RGS12: variants seen among roughly 807,000 people sequenced by gnomAD.
The protein encoded by RGS12 is regulator of G-protein signaling 12.
RGS12 carries 66 observed loss-of-function variants against 120.1 expected under a neutral mutation model. The ratio of observed to expected loss-of-function variants is 0.55; its 90% confidence interval spans 0.45 to 0.67. The LOEUF is 0.67. Among genes scored for constraint, RGS12 ranks in the 30% least tolerant of loss-of-function variants. RGS12 has a pLI of 0.00. For missense variants in RGS12, 1,859 were observed against 1,957.7 expected (o/e 0.95, Z 0.95); for synonymous variants, 827 against 804.7 (o/e 1.03, Z -0.47).
At chr4:3,312,866 C>G (rs1055645763) in intron 1 of RGS12, 2 of 179,814 alleles carry the variant, frequency 1.1e-5, no homozygotes, top group Non-Finnish European at 2.6e-5. Context: ...ACAATGCAAA[C>G]TGGTTTTATA....
In RGS12 at chr4:3,430,661, A is replaced by G; in HGVS notation, c.3820A>G (p.Ser1274Gly). The change falls in exon 17 of 18, where the codon AGC (serine) becomes GGC (glycine). Residue 1274 changes from serine (S) to glycine (G), a missense_variant. By Grantham distance (56) the Ser-to-Gly change is moderately conservative. This residue lies in a region of RGS12 where 517 missense variants were observed against 488.5 expected (regional missense o/e 1.06). Coordinates refer to ENST00000336727, the MANE Select transcript of RGS12 (RefSeq NM_001394154.1). ...VQESSDSPST[S>G]PGSASSPPGP... The stretch of plus-strand genomic sequence containing the variant: ...GGAGAGCAGCGACAGCCCGTCCACC[A>G]GCCCGGGCTCAGCCTCCAGCCCCCC... 11 of 1,592,936 alleles carry G rather than the reference A, an allele frequency of 6.9e-6. No homozygotes were observed. The highest frequency in any genetic ancestry group is 9.4e-6 in the Non-Finnish European group (11 of 1,168,998).
intron 3 of RGS12, among the ~76,000 whole-genome samples, chr4:3,355,793 T>TAA (rs1330620152): frequency 8.3e-5 from 3 of 36,292 alleles, no homozygotes; most frequent in African/African-American, 2.2e-4. Context: ...AGACCTTGTC[T>TAA]CAAAAAAAAA....
intron 9 of RGS12, chr4:3,418,875 A>T (rs1166873750): frequency 6.6e-6 from 1 of 152,098 alleles, no homozygotes. Context: ...GCAGATCTGC[A>T]AAGGGCTTTG....
At chr4:3,406,055 T>C (rs1432082504) in intron 4 of RGS12, among the ~76,000 whole-genome samples, 3 of 152,158 alleles carry the variant, frequency 2.0e-5, no homozygotes, top group African/African-American at 4.8e-5. Flanking sequence ...TGCCTACATC[T>C]GGGCTTCGGC....
chr4:3,387,555 C>T (rs1441295600), intron 4 of RGS12, among the ~76,000 whole-genome samples: 2 of 152,212 alleles, frequency 1.3e-5, no homozygotes, highest in African/African-American at 4.8e-5. Context: ...GGGATCCCGA[C>T]ACTCGTGTGG....
chr4:3,298,168 C>T (rs189991013), intron 1 of RGS12, among the ~76,000 whole-genome samples: 3 of 152,234 alleles, frequency 2.0e-5, no homozygotes, highest in Admixed American at 2.0e-4. Flanking sequence ...CATCTGCTTC[C>T]GTTTATTGTG....
intron 1 of RGS12, among the ~76,000 whole-genome samples, chr4:3,309,358 TCCG>T (rs1724171210): frequency 7.2e-6 from 1 of 138,214 alleles, no homozygotes; most frequent in Non-Finnish European, 1.5e-5. Context: ...ATGGCAGGTG[TCCG>T]CTGAGGGGAA....
chr4:3,354,577 C>T (rs1442974740), intron 3 of RGS12, among the ~76,000 whole-genome samples: 1 of 152,228 alleles, frequency 6.6e-6, no homozygotes, highest in African/African-American at 2.4e-5. Context: ...TTTCCTGCCA[C>T]AGTGCAGGTA....
intron 3 of RGS12, among the ~76,000 whole-genome samples, chr4:3,369,185 C>T (rs1166688457): frequency 2.0e-5 from 3 of 152,196 alleles, no homozygotes; most frequent in Non-Finnish European, 2.9e-5. Flanking sequence ...CTGCCCCCCG[C>T]CCCTGCAGAC....
chr4:3,340,516 G>A (rs1308677382), intron 2 of RGS12, among the ~76,000 whole-genome samples: 6 of 152,206 alleles, frequency 3.9e-5, no homozygotes, highest in African/African-American at 7.2e-5. Context: ...GACCCAGAGC[G>A]TGGACACGGA....
chr4:3,327,233 G>T lies in RGS12; in HGVS notation c.1881+9182G>T, dbSNP rs113005048. On this transcript the variant is annotated intron_variant, in intron 2 of 17. Transcript: ENST00000336727. ...TCAATAAATGGTACTGGGAAAATTG[G>T]ATTGCCCTGTGTAGAAGAATGAAAC... Among the ~76,000 whole-genome samples, 23 of 152,270 alleles carry T rather than the reference G, an allele frequency of 1.5e-4. 1 individual carries two copies. The highest frequency in any genetic ancestry group is 5.3e-4 in the African/African-American group (22 of 41,546).
At chr4:3,368,590 GCCTGTGTGTGTGTGGGTA>G (rs1310376351) in intron 3 of RGS12, among the ~76,000 whole-genome samples, 1 of 133,130 alleles carries the variant, frequency 7.5e-6, no homozygotes, top group Admixed American at 7.6e-5. Flanking sequence ...CTGTGTGTGT[GCCTGTGTGTGTGTGGGTA>G]CCTGTGTGTG....
intron 1 of RGS12, among the ~76,000 whole-genome samples, chr4:3,301,897 C>G (rs987851950): frequency 1.3e-5 from 2 of 152,110 alleles, no homozygotes; most frequent in Non-Finnish European, 2.9e-5. Flanking sequence ...CAGGGCTAGA[C>G]TTGCCAGGTA....
At chr4:3,422,776 G>T in intron 11 of RGS12, 129 bp from the exon 12 acceptor site, 1 of 1,005,390 alleles carries the variant, frequency 9.9e-7, no homozygotes, top group South Asian at 1.4e-5. Flanking sequence ...AAGGGTGATC[G>T]CTTTCTTTGG....
intron 3 of RGS12, among the ~76,000 whole-genome samples, chr4:3,363,496 T>C (rs1009794256): frequency 8.6e-5 from 13 of 151,372 alleles, no homozygotes; most frequent in African/African-American, 3.2e-4. Flanking sequence ...CCTGAACTGC[T>C]GCTTGTTGGC....
chr4:3,340,456 G>A (rs949117824), intron 2 of RGS12, among the ~76,000 whole-genome samples: 1 of 152,248 alleles, frequency 6.6e-6, no homozygotes, highest in Non-Finnish European at 1.5e-5. Context: ...TGAGGGGTCA[G>A]GGGAGGGAAG....
At chr4:3,308,744 T>G (rs992124381) in intron 1 of RGS12, among the ~76,000 whole-genome samples, 5 of 152,258 alleles carry the variant, frequency 3.3e-5, no homozygotes, top group African/African-American at 1.2e-4. Flanking sequence ...GTGGGCCCTT[T>G]GCATTCGAAG....
intron 3 of RGS12, among the ~76,000 whole-genome samples, chr4:3,362,682 AGGGTGTGT>A (rs1193663004): frequency 3.4e-5 from 3 of 87,644 alleles, no homozygotes; most frequent in Non-Finnish European, 6.7e-5. Context: ...TGTGAGGGTG[AGGGTGTGT>A]GTGAGGGTGT....
chr4:3,430,713 G>C lies in RGS12; in HGVS notation c.3872G>C (p.Gly1291Ala). 1.3e-6 allele frequency: 2 copies of C among 1,585,890 alleles called. No homozygotes were observed. Among genetic ancestry groups the C allele is most frequent in the East Asian group, 2.3e-5 (1 of 44,444 alleles). The change falls in exon 17 of 18, where the codon GGG becomes GCG. Residue 1291 changes from glycine to alanine, a missense_variant. Physicochemically the swap from Gly to Ala is moderately conservative, Grantham distance 60. Coordinates refer to ENST00000336727, the MANE Select transcript of RGS12 (RefSeq NM_001394154.1). ...PPGPPGTTPPGQKSPSGPFCT... is the reference protein window; with the variant it reads ...PPGPPGTTPPAQKSPSGPFCT... ...GGACCTCCTGGGACGACCCCCCCCGGGCAGAAGTCTCCCAGCGGGCCCTTC... is the reference window on the plus strand; with the variant it reads ...GGACCTCCTGGGACGACCCCCCCCGCGCAGAAGTCTCCCAGCGGGCCCTTC...
Sources: gnomAD v4.1 joint callset for allele counts (sites outside exome capture counted in the v4.1 genomes callset) on GRCh38, gnomAD v4.1.1 for gene constraint, gnomAD v4.1.1 regional missense constraint, MANE v1.5 for transcripts, NCBI Gene and HGNC (gene_info 2026-07-23, HGNC 2026-07-21) for gene names.